Variants in NAA11 observed in about 807,000 individuals in gnomAD.
The protein encoded by NAA11 is N-alpha-acetyltransferase 11.
In NAA11, 15 loss-of-function variants were observed where a neutral mutation model predicts 16.1. The ratio of observed to expected loss-of-function variants is 0.93; its 90% CI spans 0.62 to 1.44. The LOEUF (loss-of-function observed/expected upper bound fraction) is 1.44, where lower values mean the gene tolerates loss of function less well. Ranked by LOEUF, NAA11 falls within the 40% of genes most tolerant of loss-of-function variation. NAA11 has a pLI of 0.00. For synonymous variants in NAA11, 122 were observed against 112.4 expected, an observed-to-expected ratio of 1.09 and a Z score of -0.54; for missense variants, 298 against 291.3, an observed-to-expected ratio of 1.02 and a Z score of -0.17.
At chr4:79,192,018 T>G in the NAA11 span, among the ~76,000 whole-genome samples, 32 of 152,292 alleles carry the variant, frequency 2.1e-4, no homozygotes, top group South Asian at 5.4e-3. Flanking sequence ...TTCTGAACTT[T>G]CTATTCTGTT....
chr4:79,250,610 C>T (rs1481755475), intron 2 of NAA11, among the ~76,000 whole-genome samples: 2 of 152,114 alleles, frequency 1.3e-5, no homozygotes, highest in African/African-American at 2.4e-5. Flanking sequence ...GCAATTACAA[C>T]AAAAACAAAA....
chr4:79,304,376 A>T (rs1257467099), intron 1 of NAA11, among the ~76,000 whole-genome samples: 1 of 151,260 alleles, frequency 6.6e-6, no homozygotes, highest in African/African-American at 2.5e-5. Context: ...ATTGCCAGTG[A>T]CACAGTGTTA....
In NAA11 at chr4:79,325,347, G is replaced by A. The variant is rs761111461; in HGVS notation, c.531C>T (p.Asn177=). 12 of 1,613,920 alleles carry A rather than the reference G, an allele frequency of 7.4e-6. No individual in the cohort carries two copies. In the East Asian group the frequency reaches 2.5e-4, roughly 33 times the overall value. Residue 177 remains asparagine, a synonymous_variant, in exon 1 of 2, where the codon AAC becomes AAT. Transcript: ENST00000286794. ...GGYVVLGSRE[N]QETQGSTLSD... is the part of the protein sequence containing the mutation. Reference sequence around the variant, plus strand: ...AAAGTGTGCTGCCCTGGGTCTCCTGGTTCTCCCTGGAGCCCAGGACCACAT... The same window carrying A: ...AAAGTGTGCTGCCCTGGGTCTCCTGATTCTCCCTGGAGCCCAGGACCACAT...
chr4:79,165,483 C>T, the NAA11 span, among the ~76,000 whole-genome samples: 1 of 152,214 alleles, frequency 6.6e-6, no homozygotes, highest in Non-Finnish European at 1.5e-5. Flanking sequence ...TCCTGTTACT[C>T]TCCCTTTGCA....
At chr4:79,315,297 T>C (rs1206646027), downstream of NAA11, among the ~76,000 whole-genome samples, 2 of 152,182 alleles carry the variant, frequency 1.3e-5, no homozygotes, top group Non-Finnish European at 2.9e-5. Flanking sequence ...CCTGATCCTT[T>C]CTAAATTTTC....
chr4:79,292,230 G>A (rs1404656877), intron 2 of NAA11, among the ~76,000 whole-genome samples: 1 of 152,096 alleles, frequency 6.6e-6, no homozygotes, highest in African/African-American at 2.4e-5. Context: ...AATCTCAGAG[G>A]AGCAAACACT....
intron 2 of NAA11, among the ~76,000 whole-genome samples, chr4:79,253,221 G>A (rs1722034034): frequency 6.6e-6 from 1 of 152,140 alleles, no homozygotes; most frequent in South Asian, 2.1e-4. Context: ...TGTTTTGGGG[G>A]GAAACCAAGA....
intron 2 of NAA11, among the ~76,000 whole-genome samples, chr4:79,274,662 T>C (rs1722605312): frequency 1.3e-5 from 2 of 152,012 alleles, no homozygotes; most frequent in African/African-American, 2.4e-5. Context: ...AGTATCAGTA[T>C]GAGAATAAAA....
At chr4:79,277,550 T>G (rs927739252) in intron 2 of NAA11, among the ~76,000 whole-genome samples, 1 of 152,122 alleles carries the variant, frequency 6.6e-6, no homozygotes, top group African/African-American at 2.4e-5. Flanking sequence ...TTCTTTGCCT[T>G]CTACTTTTAA....
chr4:79,214,734 C>G, the NAA11 span, among the ~76,000 whole-genome samples: 2 of 152,036 alleles, frequency 1.3e-5, no homozygotes, highest in Non-Finnish European at 2.9e-5. Flanking sequence ...GGAGGCAGAG[C>G]TTGCAGTGAG....
chr4:79,309,755 G>T lies in NAA11; in HGVS notation c.*12+15421C>A, dbSNP rs377036294. 2.4e-3 allele frequency among the ~76,000 whole-genome samples: 275 copies of T among 116,456 alleles called. 2 individuals are homozygous for T. Among genetic ancestry groups the T allele is most frequent in the African/African-American group, 8.7e-3 (261 of 29,942 alleles). The allele number at this position is 116,456 out of a possible 152,430, so 76.4% of individuals were successfully genotyped here. A position where few individuals can be genotyped will look rare whatever the true frequency, so the allele number is the denominator to read the frequency against. On this transcript the variant is annotated intron_variant and NMD_transcript_variant, in intron 1 of 2. Transcript: ENST00000511542. ...TTTTGAGATGGAGTCTCGCTCTGTC[G>T]CCCAGGCTGGAATGCAGTGGCACAA... is the stretch of plus-strand genomic sequence containing the variant.
intron 1 of NAA11, among the ~76,000 whole-genome samples, chr4:79,297,589 G>C (rs1723260228): frequency 6.6e-6 from 1 of 152,178 alleles, no homozygotes; most frequent in African/African-American, 2.4e-5. Flanking sequence ...GCAGGGTTGG[G>C]GCCAAGCCCA....
chr4:79,174,963 CTCT>C, the NAA11 span, among the ~76,000 whole-genome samples: 1 of 152,228 alleles, frequency 6.6e-6, no homozygotes, highest in African/African-American at 2.4e-5. Context: ...GAGAAAAAGG[CTCT>C]TCTTGAAAGA....
At chr4:79,324,046 C>T (rs1404856294) in intron 1 of NAA11, among the ~76,000 whole-genome samples, 2 of 150,500 alleles carry the variant, frequency 1.3e-5, no homozygotes, top group East Asian at 2.0e-4. Context: ...GGCTCTTTAA[C>T]TTTTCATGCT....
At chr4:79,286,506 A>G (rs1333677680) in intron 2 of NAA11, among the ~76,000 whole-genome samples, 2 of 152,106 alleles carry the variant, frequency 1.3e-5, no homozygotes, top group African/African-American at 2.4e-5. Flanking sequence ...TTTAGTCATG[A>G]ATGTAATTTT....
the NAA11 span, among the ~76,000 whole-genome samples, chr4:79,202,388 C>T: frequency 9.3e-5 from 14 of 150,566 alleles, no homozygotes; most frequent in Non-Finnish European, 1.5e-4. Context: ...GAGCCTGAGA[C>T]GTGTAGGCAT....
intron 1 of NAA11, 114 bp downstream of exon 1, chr4:79,325,062 T>C (rs985462831): frequency 4.9e-5 from 46 of 943,188 alleles, no homozygotes; most frequent in Admixed American, 1.2e-4. Context: ...AGGTGGTTTT[T>C]ACCGTAAAAT....
At chr4:79,325,141 G>T in intron 1 of NAA11, 35 bp downstream of exon 1, 2 of 1,510,502 alleles carry the variant, frequency 1.3e-6, no homozygotes, top group South Asian at 2.6e-5. Flanking sequence ...AGGGATTTAG[G>T]AGAAGGGGGT....
chr4:79,309,696 TTGG>T (rs1723702361), intron 1 of NAA11, among the ~76,000 whole-genome samples: 1 of 149,258 alleles, frequency 6.7e-6, no homozygotes, highest in Non-Finnish European at 1.5e-5. Context: ...TCTTATTCTA[TTGG>T]TGTTTTTTTT....
Sources: gnomAD v4.1 joint callset for allele counts (sites outside exome capture counted in the v4.1 genomes callset) on GRCh38, gnomAD v4.1.1 for gene constraint, MANE v1.5 for transcripts, NCBI Gene and HGNC (gene_info 2026-07-23, HGNC 2026-07-21) for gene names.